Variants in SELENOO observed in about 807,000 individuals in gnomAD.
SELENOO encodes protein adenylyltransferase SelO, mitochondrial.
In SELENOO, 74 loss-of-function variants were observed where a neutral mutation model predicts 58.7. The ratio of observed to expected loss-of-function variants is 1.26; its 90% CI spans 1.04 to 1.53. The LOEUF is 1.53. Among genes scored for constraint, SELENOO ranks in the 40% most tolerant of loss-of-function variants. SELENOO has a pLI of 0.00. For missense variants in SELENOO, 1,149 were observed against 970.0 expected, an observed-to-expected ratio of 1.18 and a Z score of -2.45; for synonymous variants, 543 against 453.2, an observed-to-expected ratio of 1.20 and a Z score of -2.52.
In SELENOO at chr22:50,201,271, G is replaced by A. The variant is rs1368961060; in HGVS notation, c.235G>A (p.Gly79Arg). 1 of 1,072,312 alleles carries A rather than the reference G, an allele frequency of 9.3e-7. No individual in the cohort carries two copies. The highest frequency in any genetic ancestry group is 1.1e-6 in the Non-Finnish European group (1 of 889,486). 66.4% of individuals were successfully genotyped at this position (1,072,312 alleles called of 1,614,324 possible). A position where few individuals can be genotyped will look rare whatever the true frequency, so the allele number is the denominator to read the frequency against. The change falls in exon 1 of 9, where the codon GGG (glycine) becomes AGG (arginine). Residue 79 changes from glycine (G) to arginine (R), a missense_variant. By Grantham distance (125) the Gly-to-Arg change is moderately radical. Coordinates refer to ENST00000380903, the MANE Select transcript of SELENOO (RefSeq NM_031454.2). ...CCCGTCCGCGCCGCGGCCCGTGCCC[G>A]GGGCCTGCTTCACCCGCGTGCAGCC... ...GAPSAPRPVP[G>R]ACFTRVQPTP... is the part of the protein sequence containing the mutation.
chr22:50,201,709 CCCGCGGGAGCGCGGTGCTGGCAG>C (rs2064302908), intron 1 of SELENOO, 119 bp downstream of exon 1: 1 of 729,426 alleles, frequency 1.4e-6, no homozygotes, highest in South Asian at 6.5e-5. Flanking sequence ...CTCCCCTGCA[CCCGCGGGAGCGCGGTGCTGGCAG>C]CCGCCCGCGC....
Position 50,201,060 on chromosome 22 carries a change from C to A in SELENOO, c.24C>A (p.Leu8=), listed in dbSNP as rs987033138. The change falls in exon 1 of 9, where the codon CTC becomes CTA. Residue 8 remains leucine, a synonymous_variant. Coordinates refer to ENST00000380903, the MANE Select transcript of SELENOO (RefSeq NM_031454.2). Reference sequence around the variant, plus strand: ...GGATGGCCGTATACAGGGCAGCGCTCGGGGCTTCGCTCGCGGCTGCCCGAC... The same window carrying A: ...GGATGGCCGTATACAGGGCAGCGCTAGGGGCTTCGCTCGCGGCTGCCCGAC... MAVYRAA[L]GASLAAARLL... The A allele has an allele frequency of 4.4e-6, 6 of 1,354,756 alleles. No individual in the cohort carries two copies. The highest frequency in any genetic ancestry group is 5.7e-6 in the Non-Finnish European group (6 of 1,054,110). 83.9% of individuals were successfully genotyped at this position (1,354,756 alleles called of 1,614,324 possible).
intron 3 of SELENOO, 138 bp from the exon 4 acceptor site, chr22:50,210,043 C>G: frequency 2.0e-6 from 2 of 1,000,204 alleles, no homozygotes; most frequent in Non-Finnish European, 2.9e-6. Flanking sequence ...GACAGGACAT[C>G]AGGAAGATCG....
At chr22:50,215,908 A>T in intron 6 of SELENOO, 41 bp downstream of exon 6, 1 of 1,546,418 alleles carries the variant, frequency 6.5e-7, no homozygotes, top group East Asian at 2.3e-5. Flanking sequence ...TGTTTCCAGA[A>T]AAGGAAGCAT....
At chr22:50,211,053 GTCTTT>G in intron 5 of SELENOO, 142 bp downstream of exon 5, 2 of 845,726 alleles carry the variant, frequency 2.4e-6, no homozygotes, top group Non-Finnish European at 3.7e-6. Flanking sequence ...TCTACTCTCT[GTCTTT>G]ATGAATTTGG....
In SELENOO at chr22:50,216,985, AAGGACC is replaced by A. The variant is rs1468035680; in HGVS notation, c.1703_1708del (p.Lys568_Leu570delinsMet). On this transcript the variant is annotated inframe_deletion, in exon 8 of 9. Transcript: ENST00000380903. ...ATGTCATTCCAGAGCCCGGCTGGAC[AAGGACC>A]TGGAAGGCGCTGGGGACGCTGCCGC... is the stretch of plus-strand genomic sequence containing the variant. The A allele has an allele frequency of 6.2e-6, 10 of 1,609,618 alleles. No individual in the cohort carries two copies. The highest frequency in any genetic ancestry group is 1.3e-5 in the African/African-American group (1 of 74,914).
At chr22:50,207,767 T>C (rs2064341996) in intron 2 of SELENOO, among the ~76,000 whole-genome samples, 1 of 133,030 alleles carries the variant, frequency 7.5e-6, no homozygotes, top group East Asian at 2.2e-4. Context: ...TGATGTCCCC[T>C]GGGGGGCAGT....
chr22:50,216,317 A>AT (rs1365705796), intron 6 of SELENOO, among the ~76,000 whole-genome samples: 1 of 152,264 alleles, frequency 6.6e-6, no homozygotes. Flanking sequence ...CCTGCTGAGC[A>AT]TAAACCCCCT....
Position 50,208,591 on chromosome 22 carries a change from C to G in SELENOO, c.814C>G (p.Pro272Ala). The G allele has an allele frequency of 6.2e-7, 1 of 1,613,928 alleles. No homozygotes were observed. The highest frequency in any genetic ancestry group is 2.2e-5 in the East Asian group (1 of 44,886). The change falls in exon 3 of 9, where the codon CCC becomes GCC. Residue 272 changes from proline (P) to alanine (A), a missense_variant. By Grantham distance (27) the Pro-to-Ala change is conservative. Transcript: ENST00000380903. Reference sequence around the variant, plus strand: ...AGATGAGCACACAGGGCGTGCAGGCCCCAGCGTGGGGAGGAACGACATTCG... The same window carrying G: ...AGATGAGCACACAGGGCGTGCAGGCGCCAGCGTGGGGAGGAACGACATTCG... ...SADEHTGRAG[P>A]SVGRNDIRVQ...
At position 50,216,722 on chromosome 22, in the gene SELENOO, T is replaced by A; in HGVS notation, c.1534T>A (p.Ser512Thr). 6.2e-7 allele frequency: 1 copy of A among 1,601,778 alleles called. No individual in the cohort carries two copies. Among genetic ancestry groups the A allele is most frequent in the Non-Finnish European group, 8.5e-7 (1 of 1,176,892 alleles). The stretch of plus-strand genomic sequence containing the variant: ...ATCCATGATGCTGATGCTGGCGCAG[T>A]CAAACCCGCAGCTGTTCGCGCTTAT... ...QLSMMLMLAQSNPQLFALMGT... is the reference protein window; with the variant it reads ...QLSMMLMLAQTNPQLFALMGT... Residue 512 changes from serine to threonine, a missense_variant, in exon 7 of 9, where the codon TCA becomes ACA. Transcript: ENST00000380903.
intron 5 of SELENOO, among the ~76,000 whole-genome samples, chr22:50,214,334 C>T (rs1018946050): frequency 1.3e-5 from 2 of 152,196 alleles, no homozygotes; most frequent in African/African-American, 4.8e-5. Context: ...TTAAAATCTT[C>T]TCTGGCCGGG....
chr22:50,216,996 AG>A lies in SELENOO; in HGVS notation c.1715del (p.Gly572AlafsTer15), dbSNP rs1321741286. 6.2e-7 allele frequency: 1 copy of A among 1,610,988 alleles called. No individual in the cohort carries two copies. ...GAGCCCGGCTGGACAAGGACCTGGA[AG>A]GCGCTGGGGACGCTGCCGCCTGGCA... ...YRARLDKDLE[G>X]AGDAAAWQAE... On this transcript the variant is annotated frameshift_variant, in exon 8 of 9. Transcript: ENST00000380903. LOFTEE classifies it high-confidence loss of function.
Position 50,208,653 on chromosome 22 carries a change from C to A in SELENOO, c.876C>A (p.Tyr292Ter), listed in dbSNP as rs768356170. ...TCGACTATGTCATCAGCTCCTTTTA[C>A]CCCGAGATCCAGGCTGCTCATGCCA... The part of the protein sequence containing the change: ...QLLDYVISSF[Y>*]PEIQAAHASD... The change falls in exon 3 of 9, where the codon TAC becomes TAA. Residue 292 changes from tyrosine to a stop codon, truncating the protein, a stop_gained. Coordinates refer to ENST00000380903, the MANE Select transcript of SELENOO (RefSeq NM_031454.2). LOFTEE classifies it high-confidence loss of function. The A allele has an allele frequency of 5.6e-6, 9 of 1,613,706 alleles. No individual in the cohort carries two copies. Among genetic ancestry groups the A allele is most frequent in the Non-Finnish European group, 6.8e-6 (8 of 1,179,998 alleles).
At position 50,217,033 on chromosome 22, in the gene SELENOO, G is replaced by A. The variant is rs373361720; in HGVS notation, c.1750G>A (p.Val584Met). Residue 584 changes from valine to methionine, a missense_variant, in exon 8 of 9, where the codon GTG becomes ATG. By Grantham distance (21) the Val-to-Met change is conservative (BLOSUM62 1). Transcript: ENST00000380903. ...CGCTGCCGCCTGGCAGGCTGAGCAC[G>A]TGCGCGTGATGCACGCCAACAACCC... is the stretch of plus-strand genomic sequence containing the variant. The part of the protein sequence containing the change: ...GDAAAWQAEH[V>M]RVMHANNPKY... The A allele has an allele frequency of 8.1e-5, 130 of 1,612,112 alleles. No homozygotes were observed. Among genetic ancestry groups the A allele is most frequent in the Non-Finnish European group, 1.0e-4 (118 of 1,179,944 alleles).
rs371385114 is a variant in SELENOO at position 50,208,596 on chromosome 22, C to T, written c.819C>T (p.Ser273=). The T allele has an allele frequency of 1.1e-5, 17 of 1,613,924 alleles. No individual in the cohort carries two copies. The highest frequency in any genetic ancestry group is 6.6e-5 in the South Asian group (6 of 91,072). Residue 273 remains serine (S), a synonymous_variant, in exon 3 of 9, where the codon AGC becomes AGT. Coordinates refer to ENST00000380903, the MANE Select transcript of SELENOO (RefSeq NM_031454.2). ...AGCACACAGGGCGTGCAGGCCCCAGCGTGGGGAGGAACGACATTCGAGTGC... is the reference window on the plus strand; with the variant it reads ...AGCACACAGGGCGTGCAGGCCCCAGTGTGGGGAGGAACGACATTCGAGTGC... ...ADEHTGRAGP[S]VGRNDIRVQL...
chr22:50,217,396 G>A lies in SELENOO; in HGVS notation c.*27G>A, dbSNP rs773973889. The A allele has an allele frequency of 6.2e-7, 1 of 1,608,136 alleles. No individual in the cohort carries two copies. Among genetic ancestry groups the A allele is most frequent in the Non-Finnish European group, 8.5e-7 (1 of 1,178,458 alleles). The stretch of plus-strand genomic sequence containing the variant: ...GGCCTCGGCACGCTCCACACCCCTG[G>A]AGTCTCCCGAGGCCCCCATGTGCTG... On this transcript the variant is annotated 3_prime_UTR_variant, in exon 9 of 9. Coordinates refer to ENST00000380903, the MANE Select transcript of SELENOO (RefSeq NM_031454.2).
At chr22:50,214,619 G>A (rs574129372) in intron 5 of SELENOO, among the ~76,000 whole-genome samples, 1 of 151,840 alleles carries the variant, frequency 6.6e-6, no homozygotes, top group Non-Finnish European at 1.5e-5. Context: ...ACAAAAATTA[G>A]CCAGGCATGG....
chr22:50,203,057 C>A (rs1052281339), intron 1 of SELENOO, among the ~76,000 whole-genome samples: 2 of 152,058 alleles, frequency 1.3e-5, no homozygotes, highest in Admixed American at 1.3e-4. Flanking sequence ...ACAGTTTTTG[C>A]AAAAATAGAA....
chr22:50,214,652 C>G (rs997178520), intron 5 of SELENOO, among the ~76,000 whole-genome samples: 1 of 152,088 alleles, frequency 6.6e-6, no homozygotes, highest in African/African-American at 2.4e-5. Context: ...GTAATCCCAG[C>G]TACTCGGGAG....
Sources: allele counts gnomAD v4.1 joint callset (sites outside exome capture counted in the v4.1 genomes callset), GRCh38; gene constraint gnomAD v4.1.1; transcripts MANE v1.5; gene names NCBI Gene and HGNC (gene_info 2026-07-23, HGNC 2026-07-21).